The following TEK variants were observed in gnomAD, a reference collection of about 807,000 sequenced individuals.
TEK encodes angiopoietin-1 receptor.
A neutral mutation model predicts 131.8 loss-of-function variants in TEK; 43 were observed. The observed-to-expected ratio is 0.33, with a 90% CI of 0.26 to 0.42. TEK has a LOEUF of 0.42. TEK is among the 10% of genes least tolerant of loss of function. The pLI is 1.00. For synonymous variants in TEK, 580 were observed against 491.6 expected (o/e 1.18, Z -2.38); for missense variants, 1,162 against 1,384.4 (o/e 0.84, Z 2.55).
chr9:27,204,151 C>A (rs1423982149), intron 13 of TEK, among the ~76,000 whole-genome samples: 1 of 152,172 alleles, frequency 6.6e-6, no homozygotes, highest in African/African-American at 2.4e-5. Context: ...AAAAGTTTCT[C>A]ACCATTCTAG....
chr9:27,186,937 TTAC>T (rs1382938225), intron 9 of TEK, among the ~76,000 whole-genome samples: 1 of 152,204 alleles, frequency 6.6e-6, no homozygotes, highest in African/African-American at 2.4e-5. Flanking sequence ...CTTCTTATTA[TTAC>T]TTTTGGTTAT....
At chr9:27,136,628 T>C (rs1822453841) in intron 1 of TEK, among the ~76,000 whole-genome samples, 1 of 152,158 alleles carries the variant, frequency 6.6e-6, no homozygotes, top group Non-Finnish European at 1.5e-5. Flanking sequence ...TTTGTGAGTA[T>C]TGTGAGTACA....
intron 18 of TEK, among the ~76,000 whole-genome samples, chr9:27,215,148 A>C (rs577290541): frequency 2.8e-4 from 42 of 152,210 alleles, no homozygotes; most frequent in Non-Finnish European, 4.6e-4. Context: ...TCAGCCTCCC[A>C]AGACTAGCAC....
chr9:27,158,240 C>T, intron 2 of TEK, 98 bp downstream of exon 2: 1 of 1,360,226 alleles, frequency 7.4e-7, no homozygotes, highest in Non-Finnish European at 1.0e-6. Context: ...GCATGCACTA[C>T]CTGAATGTAG....
At chr9:27,137,925 G>A (rs1005075797) in intron 1 of TEK, among the ~76,000 whole-genome samples, 1 of 152,140 alleles carries the variant, frequency 6.6e-6, no homozygotes, top group Non-Finnish European at 1.5e-5. Context: ...TAAAGATGGT[G>A]TGTCCAGAGT....
intron 21 of TEK, 100 bp downstream of exon 21, chr9:27,220,245 A>G: frequency 1.0e-6 from 1 of 1,004,524 alleles, no homozygotes; most frequent in Non-Finnish European, 1.6e-6. Context: ...TACACTATAC[A>G]CAAACACCTA....
chr9:27,173,424 T>C, intron 6 of TEK, 62 bp downstream of exon 6: 1 of 1,609,662 alleles, frequency 6.2e-7, no homozygotes, highest in Non-Finnish European at 8.5e-7. Context: ...GGAGATCCAG[T>C]TTGCTGTCAA....
intron 1 of TEK, among the ~76,000 whole-genome samples, chr9:27,151,328 GAC>G (rs1430959251): frequency 6.6e-6 from 1 of 152,132 alleles, no homozygotes; most frequent in African/African-American, 2.4e-5. Context: ...CATAAGGGTT[GAC>G]ACAGAGGAAT....
At position 27,166,358 on chromosome 9, in the gene TEK, C is replaced by G. The variant is rs537087311; in HGVS notation, c.365-2137C>G. Among the ~76,000 whole-genome samples the G allele has an allele frequency of 4.6e-5, 7 of 152,288 alleles. No homozygotes were observed. The East Asian group carries it at 1.2e-3, about 25-fold the overall frequency. On this transcript the variant is annotated intron_variant, in intron 2 of 22. Coordinates refer to ENST00000380036, the MANE Select transcript of TEK (RefSeq NM_000459.5). ...GTTATTAAAATCTTCTAAATATTTC[C>G]TTAGTAATTTTCAGTCTTTTTGATT...
rs1218693252 is a variant in TEK at position 27,123,198 on chromosome 9, T to TG, written c.52+13560dup. ...AGGAGAAAGTGGGAAGGGAGGGAGA[T>TG]GGGGCGGGTAAGCATAGATTCCTTT... is the stretch of plus-strand genomic sequence containing the variant. On this transcript the variant is annotated intron_variant, in intron 1 of 22. Transcript: ENST00000380036. Among the ~76,000 whole-genome samples the TG allele has an allele frequency of 4.7e-5, 7 of 148,780 alleles. No homozygotes were observed. The East Asian group carries it at 1.4e-3, about 30-fold the overall frequency.
intron 7 of TEK, among the ~76,000 whole-genome samples, chr9:27,181,296 T>C (rs1322858234): frequency 6.6e-6 from 1 of 152,166 alleles, no homozygotes; most frequent in Non-Finnish European, 1.5e-5. Flanking sequence ...TTTTTGGTAT[T>C]TCTAGGCTAC....
rs751320823 is a variant in TEK at position 27,183,556 on chromosome 9, G to A, written c.1128G>A (p.Pro376=). 1.4e-5 allele frequency: 22 copies of A among 1,613,756 alleles called. No individual in the cohort carries two copies. Among genetic ancestry groups the A allele is most frequent in the Middle Eastern group, 1.6e-4 (1 of 6,078 alleles). Reference sequence around the variant, plus strand: ...CCATTTGCAAAGCTTCTGGCTGGCCGCTACCTACTAATGAAGAAATGACCC... The same window carrying A: ...CCATTTGCAAAGCTTCTGGCTGGCCACTACCTACTAATGAAGAAATGACCC... The part of the protein sequence containing the change: ...FNPICKASGW[P]LPTNEEMTLV... Residue 376 remains proline, a synonymous_variant, in exon 8 of 23, where the codon CCG becomes CCA. Transcript: ENST00000380036.
At chr9:27,136,222 T>G (rs866058896) in intron 1 of TEK, among the ~76,000 whole-genome samples, 28 of 151,840 alleles carry the variant, frequency 1.8e-4, no homozygotes, top group Admixed American at 1.6e-3. Context: ...GCTGGGACTA[T>G]AGGTGCATGC....
At chr9:27,206,243 G>A (rs987443308) in intron 14 of TEK, among the ~76,000 whole-genome samples, 1 of 152,170 alleles carries the variant, frequency 6.6e-6, no homozygotes, top group Non-Finnish European at 1.5e-5. Flanking sequence ...AGAACTGAAC[G>A]CTTGCTCATT....
At chr9:27,136,185 A>G (rs1291905780) in intron 1 of TEK, among the ~76,000 whole-genome samples, 1 of 150,624 alleles carries the variant, frequency 6.6e-6, no homozygotes, top group African/African-American at 2.4e-5. Flanking sequence ...AGGTTCAGGC[A>G]ATTCTTCTGC....
At chr9:27,196,360 A>G (rs1291613407) in intron 11 of TEK, among the ~76,000 whole-genome samples, 1 of 152,158 alleles carries the variant, frequency 6.6e-6, no homozygotes, top group African/African-American at 2.4e-5. Context: ...GTTATAAATA[A>G]TGTAATGAAT....
At chr9:27,199,637 T>G (rs1040917781) in intron 12 of TEK, among the ~76,000 whole-genome samples, 2 of 152,256 alleles carry the variant, frequency 1.3e-5, no homozygotes, top group African/African-American at 4.8e-5. Context: ...CTTTTTATGT[T>G]AATTGTCCTC....
chr9:27,224,937 A>G (rs1271307228), intron 21 of TEK, among the ~76,000 whole-genome samples: 3 of 152,214 alleles, frequency 2.0e-5, no homozygotes, highest in African/African-American at 7.2e-5. Context: ...GTGTGCAAAA[A>G]TCACAAGCAT....
chr9:27,214,896 A>G (rs1292598852), intron 18 of TEK, among the ~76,000 whole-genome samples: 1 of 152,122 alleles, frequency 6.6e-6, no homozygotes, highest in Non-Finnish European at 1.5e-5. Context: ...GCATACTCAA[A>G]GCAGATGCTT....
Sources: gnomAD v4.1 joint callset for allele counts (sites outside exome capture counted in the v4.1 genomes callset) on GRCh38, gnomAD v4.1.1 for gene constraint, MANE v1.5 for transcripts, NCBI Gene and HGNC (gene_info 2026-07-23, HGNC 2026-07-21) for gene names.